TBL3: variants seen among roughly 807,000 people sequenced by gnomAD.
The protein encoded by TBL3 is transducin beta-like protein 3.
A neutral mutation model predicts 102.7 loss-of-function variants in TBL3; 71 were observed. The observed-to-expected ratio is 0.69, with a 90% CI of 0.57 to 0.84. The LOEUF (loss-of-function observed/expected upper bound fraction) is 0.84, where lower values mean the gene tolerates loss of function less well. TBL3 is among the 40% of genes least tolerant of loss of function. The pLI, the probability that TBL3 is intolerant of heterozygous loss-of-function variation, is 0.00. For missense variants in TBL3, 1,188 were observed against 1,098.5 expected (o/e 1.08, Z -1.15); for synonymous variants, 578 against 477.7 (o/e 1.21, Z -2.74).
Position 1,975,385 on chromosome 16 carries a change from C to T in TBL3, c.752C>T (p.Ser251Phe). Reference sequence around the variant, plus strand: ...GTGCTGTTGCCAGAGGAGCCAGTGTCCCAGCTGGGTGTGAAGTCCCCAGGG... The same window carrying T: ...GTGCTGTTGCCAGAGGAGCCAGTGTTCCAGCTGGGTGTGAAGTCCCCAGGG... The part of the protein sequence containing the change: ...AAVLLPEEPV[S>F]QLGVKSPGLY... Residue 251 changes from serine (S) to phenylalanine (F), a missense_variant, in exon 9 of 22, where the codon TCC becomes TTC. Ser to Phe is a radical substitution (Grantham distance 155). Coordinates refer to ENST00000568546, the MANE Select transcript of TBL3 (RefSeq NM_006453.3). The T allele has an allele frequency of 6.2e-7, 1 of 1,613,978 alleles. No homozygotes were observed. Among genetic ancestry groups the T allele is most frequent in the Non-Finnish European group, 8.5e-7 (1 of 1,180,004 alleles).
In TBL3 at chr16:1,981,125, T is replaced by C. The variant is rs1271020996; in HGVS notation, c.*2440T>C. 6.2e-7 allele frequency: 1 copy of C among 1,613,514 alleles called. No individual in the cohort carries two copies. Among genetic ancestry groups the C allele is most frequent in the Non-Finnish European group, 8.5e-7 (1 of 1,179,988 alleles). On this transcript the variant is annotated 3_prime_UTR_variant, in exon 22 of 22. Transcript: ENST00000568546. ...CAGCCAGGTCTTACTTGGAGCCTCT[T>C]GATCTGCACCAGGGCTGCCCCTTGC...
rs764679193 is a variant in TBL3, at chr16:1,977,402, G to C, written c.1718G>C (p.Ser573Thr). Residue 573 changes from serine to threonine, a missense_variant, in exon 16 of 22, where the codon AGC becomes ACC. Transcript: ENST00000568546. The stretch of plus-strand genomic sequence containing the variant: ...TCTGTGCTGAAGGTGGCCTTTGTGA[G>C]CCGTGGCACGCAGCTGCTGTCCAGG... ...DASVLKVAFV[S>T]RGTQLLSSGS... 2.5e-6 allele frequency: 4 copies of C among 1,612,862 alleles called. No homozygotes were observed. The African/African-American group carries it at 5.3e-5, about 22-fold the overall frequency.
In TBL3 at chr16:1,975,138, G is replaced by A. The variant is rs149094062; in HGVS notation, c.635+40G>A. The A allele has an allele frequency of 4.1e-4, 666 of 1,613,396 alleles. 4 individuals are homozygous for A. In the African/African-American group the frequency reaches 7.4e-3, roughly 18 times the overall value. The stretch of plus-strand genomic sequence containing the variant: ...CTGGTAGGAGGGGGAGGCTTGGAAA[G>A]TGGGGGCTGAGGCTAAGACTTGACC... On this transcript the variant is annotated intron_variant, in intron 7 of 21. Transcript: ENST00000568546.
rs1346569871 is a variant in TBL3, at chr16:1,975,945, C to T, written c.1125C>T (p.His375=). ...QTSACQILHG[H]TDIVLALDVF... Reference sequence around the variant, plus strand: ...CAGCCTGCCAGATCCTCCACGGCCACACGGGTGAGTGGGGCCAGCCCACCT... The same window carrying T: ...CAGCCTGCCAGATCCTCCACGGCCATACGGGTGAGTGGGGCCAGCCCACCT... Residue 375 remains histidine (H), a synonymous_variant, in exon 11 of 22, where the codon CAC becomes CAT. Coordinates refer to ENST00000568546, the MANE Select transcript of TBL3 (RefSeq NM_006453.3). 2 of 1,614,176 alleles carry T rather than the reference C, an allele frequency of 1.2e-6. No homozygotes were observed. Among genetic ancestry groups the T allele is most frequent in the Admixed American group, 3.3e-5 (2 of 60,038 alleles).
At chr16:1,976,532 C>T (rs1225408959) in intron 13 of TBL3, among the ~76,000 whole-genome samples, 1 of 152,186 alleles carries the variant, frequency 6.6e-6, no homozygotes, top group Non-Finnish European at 1.5e-5. Context: ...GGGGGAAGGG[C>T]ATTAGGCAGA....
chr16:1,975,304 G>A, intron 8 of TBL3, 41 bp from the exon 9 acceptor site: 1 of 1,613,956 alleles, frequency 6.2e-7, no homozygotes, highest in Non-Finnish European at 8.5e-7. Flanking sequence ...GTTGGGTGGG[G>A]AGGGGGCATG....
At position 1,975,398 on chromosome 16, in the gene TBL3, G is replaced by C; in HGVS notation, c.765G>C (p.Val255=). The C allele has an allele frequency of 1.2e-6, 2 of 1,614,002 alleles. No homozygotes were observed. Among genetic ancestry groups the C allele is most frequent in the Non-Finnish European group, 1.7e-6 (2 of 1,180,010 alleles). Residue 255 remains valine (V), a synonymous_variant, in exon 9 of 22, where the codon GTG becomes GTC. Transcript: ENST00000568546. ...LPEEPVSQLG[V]KSPGLYFLTA... is the part of the protein sequence containing the mutation. The stretch of plus-strand genomic sequence containing the variant: ...AGGAGCCAGTGTCCCAGCTGGGTGT[G>C]AAGTCCCCAGGGCTGTACTTTCTGA...
At position 1,977,115 on chromosome 16, in the gene TBL3, G is replaced by A. The variant is rs373208751; in HGVS notation, c.1502G>A (p.Arg501His). Reference sequence around the variant, plus strand: ...CTGCTGGCCACAGGCTCACAGGACCGCACGGCCAAGCTCTGGGCCCTGCCA... The same window carrying A: ...CTGCTGGCCACAGGCTCACAGGACCACACGGCCAAGCTCTGGGCCCTGCCA... ...DKLLATGSQDRTAKLWALPQC... is the reference protein window; with the variant it reads ...DKLLATGSQDHTAKLWALPQC... Residue 501 changes from arginine (R) to histidine (H), a missense_variant, in exon 15 of 22, where the codon CGC becomes CAC. Transcript: ENST00000568546. The A allele has an allele frequency of 3.0e-5, 48 of 1,612,894 alleles. No individual in the cohort carries two copies. In the Admixed American group the frequency reaches 4.5e-4, roughly 15 times the overall value.
In TBL3 at chr16:1,980,446, G is replaced by T. The variant is rs2150890528; in HGVS notation, c.*1761G>T. The T allele has an allele frequency of 6.2e-7, 1 of 1,602,100 alleles. No homozygotes were observed. Among genetic ancestry groups the T allele is most frequent in the South Asian group, 1.1e-5 (1 of 91,066 alleles). On this transcript the variant is annotated 3_prime_UTR_variant, in exon 22 of 22. Coordinates refer to ENST00000568546, the MANE Select transcript of TBL3 (RefSeq NM_006453.3). The stretch of plus-strand genomic sequence containing the variant: ...GTGATCGTCGGGCTCCGTGCCACGC[G>T]CTCTGCAGTCGCCAGCAGCCTCCGA...
chr16:1,976,121 C>T lies in TBL3; in HGVS notation c.1188+7C>T. ...CTTTGCCAGCTGTGCCAAGGTGAGG[C>T]ACCCTGAGAGGTAGGGGCAGGGGCA... On this transcript the variant is annotated splice_region_variant and intron_variant, in intron 12 of 21. Coordinates refer to ENST00000568546, the MANE Select transcript of TBL3 (RefSeq NM_006453.3). 1.2e-6 allele frequency: 2 copies of T among 1,614,126 alleles called. No individual in the cohort carries two copies. Among genetic ancestry groups the T allele is most frequent in the Non-Finnish European group, 1.7e-6 (2 of 1,180,038 alleles).
In TBL3 at chr16:1,975,450, C is replaced by A. The variant is rs374796211; in HGVS notation, c.805+12C>A. The A allele has an allele frequency of 1.2e-6, 2 of 1,612,778 alleles. No individual in the cohort carries two copies. Among genetic ancestry groups the A allele is most frequent in the South Asian group, 1.1e-5 (1 of 91,066 alleles). ...AGCTGGCGACCAAGGTGTGTTGGGC[C>A]GGGACATGGGCAGGCGGTAGGGGCT... On this transcript the variant is annotated intron_variant, in intron 9 of 21. Transcript: ENST00000568546.
At position 1,975,248 on chromosome 16, in the gene TBL3, G is replaced by A. The variant is rs369827774; in HGVS notation, c.697G>A (p.Val233Met). The A allele has an allele frequency of 3.3e-5, 54 of 1,613,902 alleles. No homozygotes were observed. The highest frequency in any genetic ancestry group is 6.7e-5 in the East Asian group (3 of 44,872). Residue 233 changes from valine to methionine, a missense_variant, in exon 8 of 22, where the codon GTG (valine) becomes ATG (methionine). Physicochemically the swap from Val to Met is conservative, Grantham distance 21. Transcript: ENST00000568546. ...DLQSCQATRTVPVFESVEAAV... is the reference protein window; with the variant it reads ...DLQSCQATRTMPVFESVEAAV... Reference sequence around the variant, plus strand: ...TCAGAGCTGCCAGGCCACGAGGACCGTGCCTGTGTTTGAGGTGGGGATGCC... The same window carrying A: ...TCAGAGCTGCCAGGCCACGAGGACCATGCCTGTGTTTGAGGTGGGGATGCC...
In TBL3 at chr16:1,982,637, C is replaced by T. The variant is rs1358930646; in HGVS notation, c.*3952C>T. Reference sequence around the variant, plus strand: ...TCACTTGCCCCTACAAAATCCACTCCAAGGACAGACACAGTGCCTCACCTG... The same window carrying T: ...TCACTTGCCCCTACAAAATCCACTCTAAGGACAGACACAGTGCCTCACCTG... On this transcript the variant is annotated 3_prime_UTR_variant, in exon 22 of 22. Coordinates refer to ENST00000568546, the MANE Select transcript of TBL3 (RefSeq NM_006453.3). 1 of 152,296 alleles carries T rather than the reference C, an allele frequency of 6.6e-6. No homozygotes were observed. Among genetic ancestry groups the T allele is most frequent in the Non-Finnish European group, 1.5e-5 (1 of 68,154 alleles). The allele number at this position is 152,296 out of a possible 1,614,324, so 9.4% of individuals were successfully genotyped here.
chr16:1,979,261 C>G lies in TBL3; in HGVS notation c.*576C>G. On this transcript the variant is annotated 3_prime_UTR_variant, in exon 22 of 22. Coordinates refer to ENST00000568546, the MANE Select transcript of TBL3 (RefSeq NM_006453.3). ...CGGGCCTCACCCGCCGGGTCGTCTCCTCCACGGAACCCCGTCCCGCTCAGG... is the reference window on the plus strand; with the variant it reads ...CGGGCCTCACCCGCCGGGTCGTCTCGTCCACGGAACCCCGTCCCGCTCAGG... 1 of 1,535,014 alleles carries G rather than the reference C, an allele frequency of 6.5e-7. No homozygotes were observed. Among genetic ancestry groups the G allele is most frequent in the Non-Finnish European group, 8.7e-7 (1 of 1,147,930 alleles).
rs574093745 is a variant in TBL3 at position 1,979,124 on chromosome 16, C to T, written c.*439C>T. On this transcript the variant is annotated 3_prime_UTR_variant, in exon 22 of 22. Coordinates refer to ENST00000568546, the MANE Select transcript of TBL3 (RefSeq NM_006453.3). ...GGCGGCCCTGGCGCCGTGGGCGCCG[C>T]TCCAGGGCCCTGCGTGTGACGGTGC... The T allele has an allele frequency of 1.3e-6, 2 of 1,483,410 alleles. No homozygotes were observed. Among genetic ancestry groups the T allele is most frequent in the African/African-American group, 1.5e-5 (1 of 68,198 alleles). 91.9% of individuals were successfully genotyped at this position (1,483,410 alleles called of 1,614,324 possible).
rs746982926 is a variant in TBL3, at chr16:1,974,028, G to C, written c.42-28G>C. On this transcript the variant is annotated intron_variant, in intron 1 of 21. Transcript: ENST00000568546. ...CCTGGGGACTGAGGGGGTGGGTGGT[G>C]CTCATTCGCCTCCCGCTCTCCTTCC... is the stretch of plus-strand genomic sequence containing the variant. 9.2e-6 allele frequency: 14 copies of C among 1,526,518 alleles called. 1 individual carries two copies. The highest frequency in any genetic ancestry group is 6.9e-5 in the East Asian group (3 of 43,200). 94.6% of individuals were successfully genotyped at this position (1,526,518 alleles called of 1,614,324 possible).
chr16:1,981,075 C>T lies in TBL3; in HGVS notation c.*2390C>T. The T allele has an allele frequency of 6.2e-7, 1 of 1,610,572 alleles. No homozygotes were observed. Among genetic ancestry groups the T allele is most frequent in the East Asian group, 2.2e-5 (1 of 44,862 alleles). On this transcript the variant is annotated 3_prime_UTR_variant, in exon 22 of 22. Coordinates refer to ENST00000568546, the MANE Select transcript of TBL3 (RefSeq NM_006453.3). ...AGGTGCTGGTCCAGGCACCCCCTTC[C>T]TATCCCTTGGGGCCACTAAGGACCC... is the stretch of plus-strand genomic sequence containing the variant.
At position 1,980,457 on chromosome 16, in the gene TBL3, G is replaced by A. The variant is rs150460057; in HGVS notation, c.*1772G>A. The stretch of plus-strand genomic sequence containing the variant: ...GCTCCGTGCCACGCGCTCTGCAGTC[G>A]CCAGCAGCCTCCGAGAATAGGTTTC... On this transcript the variant is annotated 3_prime_UTR_variant, in exon 22 of 22. Transcript: ENST00000568546. 14 of 1,601,902 alleles carry A rather than the reference G, an allele frequency of 8.7e-6. No homozygotes were observed. The East Asian group carries it at 1.8e-4, about 20-fold the overall frequency.
At position 1,974,181 on chromosome 16, in the gene TBL3, ACCT is replaced by A; in HGVS notation, c.94-14_94-12del. On this transcript the variant is annotated splice_polypyrimidine_tract_variant and intron_variant, in intron 2 of 21. Coordinates refer to ENST00000568546, the MANE Select transcript of TBL3 (RefSeq NM_006453.3). ...GGGTGCTGAATGTTGCCTGGCTGAG[ACCT>A]CTCTGTCCCCAGCTGGACCAGACTG... 1.3e-6 allele frequency: 2 copies of A among 1,566,272 alleles called. No homozygotes were observed.
Sources: gnomAD v4.1 joint callset for allele counts (sites outside exome capture counted in the v4.1 genomes callset) on GRCh38, gnomAD v4.1.1 for gene constraint, MANE v1.5 for transcripts, NCBI Gene and HGNC (gene_info 2026-07-23, HGNC 2026-07-21) for gene names.